The following LRRFIP1 variants were observed in gnomAD, a reference collection of about 807,000 sequenced individuals.
LRRFIP1 encodes leucine-rich repeat flightless-interacting protein 1.
Under a neutral mutation model 104.4 loss-of-function variants are expected in LRRFIP1, and 62 were observed. That is an observed-to-expected ratio of 0.59 (90% confidence interval 0.48 to 0.73). The LOEUF (loss-of-function observed/expected upper bound fraction) is 0.73. Among genes scored for constraint, LRRFIP1 ranks in the 30% least tolerant of loss-of-function variants. LRRFIP1 has a pLI of 0.00. For synonymous variants in LRRFIP1, 300 were observed against 299.0 expected, an observed-to-expected ratio of 1.00 and a Z score of -0.03; for missense variants, 796 against 824.5, an observed-to-expected ratio of 0.97 and a Z score of 0.42.
intron 15 of LRRFIP1, 31 bp downstream of exon 15, chr2:237,753,510 A>G: frequency 6.5e-7 from 1 of 1,532,964 alleles, no homozygotes; most frequent in Non-Finnish European, 8.7e-7. Context: ...GAATGTTAAC[A>G]ATAGGCTGCG....
chr2:237,681,091 G>A (rs1393045849), intron 1 of LRRFIP1, among the ~76,000 whole-genome samples: 1 of 152,154 alleles, frequency 6.6e-6, no homozygotes, highest in Non-Finnish European at 1.5e-5. Flanking sequence ...ACATAACAGG[G>A]GTAGTTTTCA....
intron 1 of LRRFIP1, among the ~76,000 whole-genome samples, chr2:237,629,769 G>A (rs1361301176): frequency 6.6e-6 from 1 of 152,272 alleles, no homozygotes; most frequent in East Asian, 1.9e-4. Flanking sequence ...ACTGCGCCCA[G>A]CCTATCTGCT....
intron 6 of LRRFIP1, among the ~76,000 whole-genome samples, chr2:237,722,889 G>A (rs1002353705): frequency 3.3e-5 from 5 of 152,162 alleles, no homozygotes; most frequent in African/African-American, 7.2e-5. Context: ...TTGTACCACC[G>A]AACAGGGCAC....
At chr2:237,725,870 A>G (rs2094727348) in intron 7 of LRRFIP1, among the ~76,000 whole-genome samples, 1 of 152,256 alleles carries the variant, frequency 6.6e-6, no homozygotes, top group African/African-American at 2.4e-5. Context: ...TCCGCCACAG[A>G]GCTATGTATT....
rs540042285 is a variant in LRRFIP1, at chr2:237,731,552, G to A, written c.445-2222G>A. ...GATCAGCTGTGAACACCAAAGCATC[G>A]GTGGGTTTAACACCTTGAAAAAGGC... On this transcript the variant is annotated intron_variant, in intron 8 of 23. Coordinates refer to ENST00000308482, the MANE Select transcript of LRRFIP1 (RefSeq NM_001137550.2). 4.6e-5 allele frequency among the ~76,000 whole-genome samples: 7 copies of A among 151,784 alleles called. No homozygotes were observed. The East Asian group carries it at 1.2e-3, about 25-fold the overall frequency.
Position 237,739,303 on chromosome 2 carries a change from C to T in LRRFIP1, c.627C>T (p.Ser209=). 6.4e-7 allele frequency: 1 copy of T among 1,558,394 alleles called. No homozygotes were observed. Among genetic ancestry groups the T allele is most frequent in the Non-Finnish European group, 8.7e-7 (1 of 1,152,276 alleles). The part of the protein sequence containing the change: ...ASSRASSARA[S]PVVEERPEKD... ...CCAGGGCCAGCTCGGCCCGGGCCAG[C>T]CCTGTGGTAAGTCGGCCTCCTGGCC... Residue 209 remains serine (S), a synonymous_variant, in exon 11 of 24, where the codon AGC becomes AGT. Transcript: ENST00000308482.
intron 16 of LRRFIP1, 141 bp from the exon 17 acceptor site, chr2:237,757,315 G>C: frequency 1.9e-6 from 1 of 539,208 alleles, no homozygotes; most frequent in Non-Finnish European, 3.3e-6. Context: ...ATCCTAGAAT[G>C]CTGACAATGA....
intron 1 of LRRFIP1, among the ~76,000 whole-genome samples, chr2:237,663,522 G>A (rs2088506234): frequency 6.6e-6 from 1 of 152,228 alleles, no homozygotes; most frequent in Non-Finnish European, 1.5e-5. Context: ...CACTGAATCT[G>A]CTGGCACCTT....
At chr2:237,763,351 T>C (rs757893315) in intron 19 of LRRFIP1, 1 of 1,613,784 alleles carries the variant, frequency 6.2e-7, no homozygotes, top group Non-Finnish European at 8.5e-7. Context: ...AACCCTTAGA[T>C]ATGAAAGAGC....
In LRRFIP1 at chr2:237,717,211, C is replaced by T. The variant is rs1231829834; in HGVS notation, c.202-551C>T. ...CCTCTTCTGTAGGTGGCAGTCATCT[C>T]TCCATCCCTGCTACAAAGACAGCAA... On this transcript the variant is annotated intron_variant, in intron 3 of 23. Transcript: ENST00000308482. The surrounding 1 kb of genome is among the most constrained non-coding windows in gnomAD (Gnocchi z 4.2). Among the ~76,000 whole-genome samples the T allele has an allele frequency of 6.6e-6, 1 of 152,168 alleles. No individual in the cohort carries two copies. Among genetic ancestry groups the T allele is most frequent in the Admixed American group, 6.5e-5 (1 of 15,286 alleles).
intron 1 of LRRFIP1, among the ~76,000 whole-genome samples, chr2:237,685,760 C>G (rs2092321067): frequency 6.6e-6 from 1 of 152,206 alleles, no homozygotes; most frequent in Non-Finnish European, 1.5e-5. Context: ...AGCCTCCAGA[C>G]AGGCTCACAT....
intron 1 of LRRFIP1, among the ~76,000 whole-genome samples, chr2:237,628,640 A>G (rs2081932379): frequency 6.6e-6 from 1 of 152,114 alleles, no homozygotes; most frequent in Non-Finnish European, 1.5e-5. Context: ...TATGAATGCA[A>G]AGAAAGTCTC....
intron 19 of LRRFIP1, chr2:237,763,953 C>G: frequency 6.2e-7 from 1 of 1,614,194 alleles, no homozygotes; most frequent in Non-Finnish European, 8.5e-7. Flanking sequence ...GCAGAAAGTA[C>G]AGAGAGGTGT....
rs1206369328 is a variant in LRRFIP1, at chr2:237,681,939, A to C, written c.97-26605A>C. On this transcript the variant is annotated intron_variant, in intron 1 of 23. Transcript: ENST00000308482. Reference sequence around the variant, plus strand: ...CGTGATCCGCCCGCCTCGGCCTCCCAAAGTCCTATTCTTAATTGTGTTCAT... The same window carrying C: ...CGTGATCCGCCCGCCTCGGCCTCCCCAAGTCCTATTCTTAATTGTGTTCAT... 9.9e-5 allele frequency among the ~76,000 whole-genome samples: 15 copies of C among 151,472 alleles called. No individual in the cohort carries two copies. The East Asian group carries it at 3.1e-3, about 31-fold the overall frequency.
At chr2:237,740,105 T>C (rs1012518855) in intron 11 of LRRFIP1, among the ~76,000 whole-genome samples, 1 of 152,026 alleles carries the variant, frequency 6.6e-6, no homozygotes, top group Non-Finnish European at 1.5e-5. Flanking sequence ...TCTCCACTCA[T>C]ATCAAAATTT....
intron 1 of LRRFIP1, among the ~76,000 whole-genome samples, chr2:237,706,267 T>C (rs184052198): frequency 6.6e-6 from 1 of 152,246 alleles, no homozygotes; most frequent in East Asian, 1.9e-4. Context: ...TGCAGTTGTC[T>C]CTCCCTCTGT....
chr2:237,635,648 C>G (rs995892575), intron 1 of LRRFIP1, among the ~76,000 whole-genome samples: 1 of 152,046 alleles, frequency 6.6e-6, no homozygotes, highest in African/African-American at 2.4e-5. Context: ...AAAGTAGGAC[C>G]CTTCCTTTAA....
intron 15 of LRRFIP1, among the ~76,000 whole-genome samples, chr2:237,755,164 G>C (rs543313909): frequency 9.6e-4 from 146 of 152,342 alleles, no homozygotes; most frequent in African/African-American, 3.5e-3. Flanking sequence ...TTGCGCTGCT[G>C]TGACTGGGCA....
chr2:237,778,104 G>A (rs896203527), intron 23 of LRRFIP1, among the ~76,000 whole-genome samples: 16 of 152,082 alleles, frequency 1.1e-4, no homozygotes, highest in African/African-American at 3.9e-4. Flanking sequence ...GTCTAATTCT[G>A]TCATTTATTG....
Sources: gnomAD v4.1 joint callset for allele counts (sites outside exome capture counted in the v4.1 genomes callset) on GRCh38, gnomAD v4.1.1 for gene constraint, Gnocchi (gnomAD v3.1) non-coding constraint, MANE v1.5 for transcripts, NCBI Gene and HGNC (gene_info 2026-07-23, HGNC 2026-07-21) for gene names.